The following JAM2 variants were observed in gnomAD, a reference collection of about 807,000 sequenced individuals.
The protein encoded by JAM2 is junctional adhesion molecule B.
A neutral mutation model predicts 42.0 loss-of-function variants in JAM2; 17 were observed. The observed-to-expected ratio is 0.40, with a 90% confidence interval of 0.28 to 0.61. JAM2 has a LOEUF of 0.61. JAM2 is among the 20% of genes least tolerant of loss of function. The pLI is 0.37. For synonymous variants in JAM2, 118 were observed against 128.6 expected, an observed-to-expected ratio of 0.92 and a Z score of 0.56; for missense variants, 319 against 358.3, an observed-to-expected ratio of 0.89 and a Z score of 0.89.
chr21:25,646,792 T>C (rs1450438984), intron 1 of JAM2, among the ~76,000 whole-genome samples: 1 of 152,222 alleles, frequency 6.6e-6, no homozygotes, highest in Non-Finnish European at 1.5e-5. Context: ...TAGCTGTCCA[T>C]TGTCTTGGCT....
rs754694009 is a variant in JAM2, at chr21:25,689,861, C to T, written c.134-5C>T. ...GAAAACAAGTATTTTTATTGTTGTT[C>T]CTAGAGGCTATTTTAGCCTGCAAAA... On this transcript the variant is annotated splice_polypyrimidine_tract_variant and splice_region_variant and intron_variant, in intron 2 of 9. Transcript: ENST00000480456. 6.4e-7 allele frequency: 1 copy of T among 1,571,536 alleles called. No individual in the cohort carries two copies. The highest frequency in any genetic ancestry group is 8.8e-7 in the Non-Finnish European group (1 of 1,141,936).
At chr21:25,669,242 T>C (rs896042705) in intron 1 of JAM2, among the ~76,000 whole-genome samples, 2 of 151,896 alleles carry the variant, frequency 1.3e-5, no homozygotes, top group Non-Finnish European at 2.9e-5. Flanking sequence ...ACATGTTGGC[T>C]AACAGCTGTG....
At chr21:25,714,574 A>G (rs1465314717) in intron 9 of JAM2, 66 bp from the exon 10 acceptor site, 1 of 985,188 alleles carries the variant, frequency 1.0e-6, no homozygotes, top group Non-Finnish European at 1.5e-6. Context: ...CTTGATATTC[A>G]TAAGATTTAT....
chr21:25,714,988 T>C lies in JAM2; in HGVS notation c.*316T>C, dbSNP rs73897035. On this transcript the variant is annotated 3_prime_UTR_variant, in exon 10 of 10. Coordinates refer to ENST00000480456, the MANE Select transcript of JAM2 (RefSeq NM_021219.4). ...AGAACGTTACTAAAATATAACATACTGATTGTGAAGTCAATCCACAGGTCA... is the reference window on the plus strand; with the variant it reads ...AGAACGTTACTAAAATATAACATACCGATTGTGAAGTCAATCCACAGGTCA... 3,591 of 210,574 alleles carry C rather than the reference T, an allele frequency of 0.017. 136 individuals are homozygous for C. The highest frequency in any genetic ancestry group is 0.076 in the African/African-American group (3,357 of 43,938). The allele number at this position is 210,574 out of a possible 1,614,324, so 13.0% of individuals were successfully genotyped here. A position where few individuals can be genotyped will look rare whatever the true frequency, so the allele number is the denominator to read the frequency against.
At chr21:25,663,277 A>G (rs1246598994) in intron 1 of JAM2, among the ~76,000 whole-genome samples, 1 of 152,198 alleles carries the variant, frequency 6.6e-6, no homozygotes. Flanking sequence ...CTTGAAGGTA[A>G]CAGGAGGCCT....
At chr21:25,700,446 T>C (rs1196890128) in intron 5 of JAM2, among the ~76,000 whole-genome samples, 1 of 152,184 alleles carries the variant, frequency 6.6e-6, no homozygotes, top group Non-Finnish European at 1.5e-5. Context: ...CTGCAACCTC[T>C]GCCTCCTAGG....
chr21:25,658,852 C>T (rs1250610612), intron 1 of JAM2, among the ~76,000 whole-genome samples: 2 of 152,148 alleles, frequency 1.3e-5, no homozygotes, highest in Non-Finnish European at 1.5e-5. Flanking sequence ...ATGAGAAACA[C>T]GGGAGCTTAG....
chr21:25,667,671 G>C (rs918255824), intron 1 of JAM2, among the ~76,000 whole-genome samples: 10 of 152,042 alleles, frequency 6.6e-5, no homozygotes, highest in Admixed American at 4.6e-4. Flanking sequence ...CATGAATTAG[G>C]GGGGACTAGT....
chr21:25,701,663 G>A (rs528026656), intron 5 of JAM2, among the ~76,000 whole-genome samples: 29 of 152,242 alleles, frequency 1.9e-4, no homozygotes, highest in Non-Finnish European at 2.8e-4. Flanking sequence ...CCTATAAACC[G>A]ATACCAATTA....
chr21:25,680,971 C>T (rs938506847), intron 1 of JAM2, among the ~76,000 whole-genome samples: 21 of 152,084 alleles, frequency 1.4e-4, no homozygotes, highest in African/African-American at 4.8e-4. Context: ...AGGTAAGATA[C>T]AGACTGAAAA....
chr21:25,702,921 C>T (rs1033141940), intron 6 of JAM2, among the ~76,000 whole-genome samples: 2 of 152,060 alleles, frequency 1.3e-5, no homozygotes, highest in Non-Finnish European at 2.9e-5. Context: ...GTCGTGATCT[C>T]GGCTCACTGC....
intron 1 of JAM2, among the ~76,000 whole-genome samples, chr21:25,673,869 A>T (rs2033418463): frequency 6.6e-6 from 1 of 152,074 alleles, no homozygotes; most frequent in Non-Finnish European, 1.5e-5. Flanking sequence ...TGTGGGAGGG[A>T]CCTGGTGGGA....
At chr21:25,704,316 T>A (rs1364486676) in intron 6 of JAM2, among the ~76,000 whole-genome samples, 1 of 152,162 alleles carries the variant, frequency 6.6e-6, no homozygotes, top group African/African-American at 2.4e-5. Context: ...CAATAATTAA[T>A]GTTTTCTACT....
chr21:25,670,086 C>G (rs1357977863), intron 1 of JAM2, among the ~76,000 whole-genome samples: 1 of 152,188 alleles, frequency 6.6e-6, no homozygotes, highest in African/African-American at 2.4e-5. Flanking sequence ...CATCAAACAG[C>G]CATTTCACTT....
intron 1 of JAM2, among the ~76,000 whole-genome samples, chr21:25,660,031 C>A (rs368304530): frequency 1.2e-4 from 19 of 152,278 alleles, no homozygotes; most frequent in African/African-American, 4.3e-4. Context: ...AACTCTCCTG[C>A]CTCAGCCTTC....
chr21:25,673,793 A>G (rs1040112047), intron 1 of JAM2, among the ~76,000 whole-genome samples: 3 of 152,128 alleles, frequency 2.0e-5, no homozygotes, highest in African/African-American at 7.2e-5. Context: ...ATATCTCTTG[A>G]TATGGTTTGG....
At chr21:25,677,709 T>G (rs2033531434) in intron 1 of JAM2, among the ~76,000 whole-genome samples, 2 of 152,178 alleles carry the variant, frequency 1.3e-5, no homozygotes, top group Admixed American at 1.3e-4. Context: ...TCTTTCCCTA[T>G]TTTGCCCCGA....
chr21:25,649,298 C>T (rs968342587), intron 1 of JAM2, among the ~76,000 whole-genome samples: 2 of 152,168 alleles, frequency 1.3e-5, no homozygotes, highest in African/African-American at 2.4e-5. Context: ...CTCTCAGTTT[C>T]GCATGGCTGG....
At chr21:25,687,393 T>C (rs1409879808) in intron 2 of JAM2, among the ~76,000 whole-genome samples, 1 of 152,194 alleles carries the variant, frequency 6.6e-6, no homozygotes, top group Non-Finnish European at 1.5e-5. Context: ...GAGGTCTAAC[T>C]CTGAAGCCTC....
Sources: gnomAD v4.1 joint callset for allele counts (sites outside exome capture counted in the v4.1 genomes callset) on GRCh38, gnomAD v4.1.1 for gene constraint, MANE v1.5 for transcripts, NCBI Gene and HGNC (gene_info 2026-07-23, HGNC 2026-07-21) for gene names.